Variants in LRRC19 observed in about 807,000 individuals in gnomAD.
LRRC19 encodes the protein leucine-rich repeat-containing protein 19.
Under a neutral mutation model 33.3 loss-of-function variants are expected in LRRC19, and 33 were observed. The observed-to-expected ratio is 0.99, with a 90% CI of 0.75 to 1.33. The LOEUF is 1.33. LRRC19 is among the 40% of genes most tolerant of loss of function. The pLI, the probability that LRRC19 is intolerant of heterozygous loss-of-function variation, is 0.00. For synonymous variants in LRRC19, 184 were observed against 152.3 expected (o/e 1.21, Z -1.53); for missense variants, 463 against 417.3 (o/e 1.11, Z -0.95).
rs113058026 is a variant in LRRC19 at position 26,998,389 on chromosome 9, A to T, written c.82-148T>A. The stretch of plus-strand genomic sequence containing the variant: ...AATATTTTGGTGTTACAGTAGAGCA[A>T]ATCTTTTTCTTTATTGGGATGAAAT... On this transcript the variant is annotated intron_variant, in intron 2 of 4. Transcript: ENST00000380055. 1.2e-5 allele frequency: 6 copies of T among 481,786 alleles called. No homozygotes were observed. In the Admixed American group the frequency reaches 1.5e-4, roughly 12 times the overall value. 29.8% of individuals were successfully genotyped at this position (481,786 alleles called of 1,614,324 possible).
At position 26,997,226 on chromosome 9, in the gene LRRC19, AT is replaced by A. The variant is rs1399575127; in HGVS notation, c.595+501del. Among the ~76,000 whole-genome samples the A allele has an allele frequency of 4.1e-5, 6 of 147,784 alleles. No individual in the cohort carries two copies. In the East Asian group the frequency reaches 1.1e-3, roughly 26 times the overall value. On this transcript the variant is annotated intron_variant, in intron 3 of 4. Coordinates refer to ENST00000380055, the MANE Select transcript of LRRC19 (RefSeq NM_022901.3). The stretch of plus-strand genomic sequence containing the variant: ...AAACTCTGTCTCAAAAAAAAAAAAA[AT>A]TTCTTAATTTTTCCCCCTGGTAATG...
rs1241781391 is a variant in LRRC19, at chr9:26,995,797, A to G, written c.837T>C (p.Thr279=). 1.2e-6 allele frequency: 2 copies of G among 1,612,554 alleles called. No individual in the cohort carries two copies. The highest frequency in any genetic ancestry group is 1.3e-5 in the African/African-American group (1 of 75,008). Residue 279 remains threonine, a synonymous_variant, in exon 5 of 5, where the codon ACT becomes ACC. Coordinates refer to ENST00000380055, the MANE Select transcript of LRRC19 (RefSeq NM_022901.3). The part of the protein sequence containing the change: ...SWAFLVGVVV[T]VLTTSLLIFI... ...AAATGAGAAGTGAAGTCGTCAGTAC[A>G]GTGACAACAACACCAACAAGAAAAG...
At position 26,998,215 on chromosome 9, in the gene LRRC19, T is replaced by C; in HGVS notation, c.108A>G (p.Lys36=). The C allele has an allele frequency of 6.7e-7, 1 of 1,495,452 alleles. No individual in the cohort carries two copies. The highest frequency in any genetic ancestry group is 9.0e-7 in the Non-Finnish European group (1 of 1,114,402). 92.6% of individuals were successfully genotyped at this position (1,495,452 alleles called of 1,614,324 possible). Residue 36 remains lysine, a synonymous_variant, in exon 3 of 5, where the codon AAA becomes AAG. Transcript: ENST00000380055. ...KREVQCNFTE[K]NYTLIPADIK... is the part of the protein sequence containing the mutation. ...TATCTGCTGGAATCAAGGTATAATT[T>C]TTTTCAGTAAAATTACATTGGACTT...
At chr9:27,001,614 A>C (rs1488202673) in intron 1 of LRRC19, among the ~76,000 whole-genome samples, 1 of 152,100 alleles carries the variant, frequency 6.6e-6, no homozygotes, top group Non-Finnish European at 1.5e-5. Flanking sequence ...TTTTTTGAGA[A>C]ATATCTATTC....
intron 1 of LRRC19, among the ~76,000 whole-genome samples, chr9:27,004,279 A>G (rs1293335275): frequency 1.3e-5 from 2 of 152,242 alleles, no homozygotes; most frequent in African/African-American, 4.8e-5. Flanking sequence ...TAAGGATTAG[A>G]AAAGGATTTT....
intron 1 of LRRC19, among the ~76,000 whole-genome samples, chr9:27,003,062 T>C (rs1050592181): frequency 1.3e-5 from 2 of 152,222 alleles, no homozygotes; most frequent in Non-Finnish European, 2.9e-5. Context: ...GTAAACAGGC[T>C]TGCTTTCTTG....
At chr9:27,003,445 C>G (rs1828608888) in intron 1 of LRRC19, among the ~76,000 whole-genome samples, 1 of 151,994 alleles carries the variant, frequency 6.6e-6, no homozygotes, top group East Asian at 1.9e-4. Flanking sequence ...ATTGTTTGAA[C>G]CTGGGAGGCA....
chr9:27,005,259 G>T (rs1828706848), intron 1 of LRRC19, among the ~76,000 whole-genome samples: 1 of 146,614 alleles, frequency 6.8e-6, no homozygotes, highest in South Asian at 2.1e-4. Flanking sequence ...CTTGCCAATT[G>T]GCTTTTAGAT....
In LRRC19 at chr9:26,995,474, C is replaced by T. The variant is rs1290762557; in HGVS notation, c.*47G>A. 2.7e-6 allele frequency: 3 copies of T among 1,125,642 alleles called. No individual in the cohort carries two copies. Among genetic ancestry groups the T allele is most frequent in the Admixed American group, 2.6e-5 (1 of 37,848 alleles). 69.7% of individuals were successfully genotyped at this position (1,125,642 alleles called of 1,614,324 possible). ...ACATAGCAAAATCTCCATATCTAAA[C>T]TGAGTGAGCTGATAACTTTGCTTTA... On this transcript the variant is annotated 3_prime_UTR_variant, in exon 5 of 5. Transcript: ENST00000380055.
chr9:26,998,930 G>C (rs1828320246), intron 2 of LRRC19, among the ~76,000 whole-genome samples: 1 of 152,166 alleles, frequency 6.6e-6, no homozygotes, highest in Non-Finnish European at 1.5e-5. Flanking sequence ...GGAGGCGGAG[G>C]TTGCAGTGAG....
intron 1 of LRRC19, among the ~76,000 whole-genome samples, chr9:27,004,969 C>T (rs1828694918): frequency 6.6e-6 from 1 of 151,970 alleles, no homozygotes; most frequent in South Asian, 2.1e-4. Context: ...TTATTATATG[C>T]TATGAAATAA....
chr9:26,997,625 C>G (rs916840870), intron 3 of LRRC19, 103 bp downstream of exon 3: 1 of 1,250,486 alleles, frequency 8.0e-7, no homozygotes, highest in East Asian at 2.4e-5. Flanking sequence ...TGAGCCACTG[C>G]GCCTGGCTGC....
Position 26,997,839 on chromosome 9 carries a change from C to T in LRRC19, c.484G>A (p.Val162Ile). 1 of 1,614,184 alleles carries T rather than the reference C, an allele frequency of 6.2e-7. No individual in the cohort carries two copies. The highest frequency in any genetic ancestry group is 8.5e-7 in the Non-Finnish European group (1 of 1,180,028). The change falls in exon 3 of 5, where the codon GTA (valine) becomes ATA (isoleucine). Residue 162 changes from valine to isoleucine, a missense_variant. Physicochemically the swap from Val to Ile is conservative, Grantham distance 29. Transcript: ENST00000380055. ...LQGNLISYLD[V>I]PPLFHLELIT... is the part of the protein sequence containing the mutation. ...AATTCCAGATGAAATAGTGGTGGTA[C>T]ATCCAAATAGCTAATCAAATTGCCT...
chr9:26,999,198 T>C (rs1042792204), intron 2 of LRRC19, among the ~76,000 whole-genome samples: 2 of 152,330 alleles, frequency 1.3e-5, no homozygotes, highest in African/African-American at 4.8e-5. Context: ...ATAGTTCTTG[T>C]TTTTACTGAA....
At chr9:27,002,193 G>A (rs1828535722) in intron 1 of LRRC19, among the ~76,000 whole-genome samples, 1 of 152,134 alleles carries the variant, frequency 6.6e-6, no homozygotes, top group South Asian at 2.1e-4. Flanking sequence ...GTGCAGTGAT[G>A]CCATTTTGGC....
In LRRC19 at chr9:26,997,713, A is replaced by G. The variant is rs755266671; in HGVS notation, c.595+15T>C. 2.5e-5 allele frequency: 39 copies of G among 1,572,408 alleles called. No individual in the cohort carries two copies. The Admixed American group carries it at 7.3e-4, about 29-fold the overall frequency. ...GTTAATCACATTTTGGTTTTGCTTA[A>G]TTATGATAGCTTACCTAATGTCACA... On this transcript the variant is annotated intron_variant, in intron 3 of 4. Coordinates refer to ENST00000380055, the MANE Select transcript of LRRC19 (RefSeq NM_022901.3).
At chr9:26,998,885 T>C (rs994065435) in intron 2 of LRRC19, among the ~76,000 whole-genome samples, 7 of 151,176 alleles carry the variant, frequency 4.6e-5, no homozygotes, top group African/African-American at 1.7e-4. Flanking sequence ...TCCCAGCTAC[T>C]TGGGAGGCTG....
In LRRC19 at chr9:26,997,978, AC is replaced by A; in HGVS notation, c.344del (p.Gly115ValfsTer4). ...CRNSIYVIQQ[G>X]AFLGLNKLKQ... ...TTAGTTTATTTAAGCCTAAAAATGC[AC>A]CCTGTTGAATTACATAGATGGAGTT... On this transcript the variant is annotated frameshift_variant, in exon 3 of 5. Coordinates refer to ENST00000380055, the MANE Select transcript of LRRC19 (RefSeq NM_022901.3). LOFTEE classifies it high-confidence loss of function. The A allele has an allele frequency of 1.2e-6, 2 of 1,613,936 alleles. No individual in the cohort carries two copies. The highest frequency in any genetic ancestry group is 1.7e-6 in the Non-Finnish European group (2 of 1,179,948).
At position 27,004,608 on chromosome 9, in the gene LRRC19, A is replaced by G. The variant is rs557892097; in HGVS notation, c.-10+984T>C. On this transcript the variant is annotated intron_variant, in intron 1 of 4. Transcript: ENST00000380055. ...TGGCCAAGTAGATTATGCAGAAATT[A>G]TCCATCAGTCAGTTTAGCCTGTTTC... 2.6e-5 allele frequency among the ~76,000 whole-genome samples: 4 copies of G among 152,236 alleles called. No homozygotes were observed. The South Asian group carries it at 8.3e-4, about 31-fold the overall frequency.
Sources: allele counts gnomAD v4.1 joint callset (sites outside exome capture counted in the v4.1 genomes callset), GRCh38; gene constraint gnomAD v4.1.1; transcripts MANE v1.5; gene names NCBI Gene and HGNC (gene_info 2026-07-23, HGNC 2026-07-21).